Variants in ANTXR2 observed in about 807,000 individuals in gnomAD.
The protein encoded by ANTXR2 is ANTXR cell adhesion molecule 2, also known as anthrax toxin receptor 2.
ANTXR2 carries 44 observed loss-of-function variants against 73.7 expected under a neutral mutation model. The observed-to-expected ratio is 0.60, with a 90% CI of 0.47 to 0.77. The LOEUF is 0.77. Ranked by LOEUF, ANTXR2 falls within the 30% of genes least tolerant of loss-of-function variation. ANTXR2 has a pLI of 0.00. For synonymous variants in ANTXR2, 217 were observed against 205.9 expected (o/e 1.05, Z -0.46); for missense variants, 604 against 592.5 (o/e 1.02, Z -0.20).
intron 13 of ANTXR2, among the ~76,000 whole-genome samples, chr4:79,984,254 T>C (rs1357087223): frequency 6.6e-6 from 1 of 152,202 alleles, no homozygotes; most frequent in Non-Finnish European, 1.5e-5. Flanking sequence ...GTATTTCAAA[T>C]CTATTCATCA....
intron 12 of ANTXR2, among the ~76,000 whole-genome samples, chr4:79,993,764 A>ACACG (rs1730596227): frequency 7.1e-6 from 1 of 140,106 alleles, no homozygotes; most frequent in African/African-American, 2.5e-5. Flanking sequence ...ACACACGCAC[A>ACACG]CACACACACA....
intron 7 of ANTXR2, among the ~76,000 whole-genome samples, chr4:80,049,806 C>T (rs567399118): frequency 2.0e-5 from 3 of 151,770 alleles, no homozygotes; most frequent in Non-Finnish European, 2.9e-5. Flanking sequence ...TATTTTAATG[C>T]TTCCCAAATT....
intron 16 of ANTXR2, among the ~76,000 whole-genome samples, chr4:79,911,871 T>C (rs1211222046): frequency 6.6e-6 from 1 of 152,002 alleles, no homozygotes; most frequent in Non-Finnish European, 1.5e-5. Context: ...GTTGTTGTAA[T>C]GCTTTAGGTA....
intron 11 of ANTXR2, among the ~76,000 whole-genome samples, chr4:80,014,291 G>C (rs534653456): frequency 6.6e-6 from 1 of 151,912 alleles, no homozygotes; most frequent in African/African-American, 2.4e-5. Context: ...ATTTGTGGCC[G>C]GGTGAGGTGG....
intron 3 of ANTXR2, among the ~76,000 whole-genome samples, chr4:80,059,378 A>G (rs1399891372): frequency 6.6e-6 from 1 of 151,884 alleles, no homozygotes; most frequent in Non-Finnish European, 1.5e-5. Flanking sequence ...TATATATTGG[A>G]GACAGAGTTT....
At chr4:79,964,954 G>A (rs1373207185) in intron 16 of ANTXR2, 1 of 152,248 alleles carries the variant, frequency 6.6e-6, no homozygotes, top group Non-Finnish European at 1.5e-5. Context: ...GCGCGCGGAA[G>A]AGAGCGCGAG....
chr4:79,920,395 T>C (rs560092555), intron 16 of ANTXR2, among the ~76,000 whole-genome samples: 2 of 152,216 alleles, frequency 1.3e-5, no homozygotes, highest in East Asian at 3.9e-4. Flanking sequence ...TTGGTATCAT[T>C]AAACATGTAA....
chr4:80,019,170 C>T (rs1392751823), intron 10 of ANTXR2, among the ~76,000 whole-genome samples, 194 bp from the exon 11 acceptor site: 1 of 152,136 alleles, frequency 6.6e-6, no homozygotes, highest in Non-Finnish European at 1.5e-5. Context: ...CCACCGTGCC[C>T]AGCATGGCCA....
At chr4:79,950,244 T>C (rs1461076091) in intron 16 of ANTXR2, among the ~76,000 whole-genome samples, 1 of 152,210 alleles carries the variant, frequency 6.6e-6, no homozygotes, top group East Asian at 1.9e-4. Context: ...TAATAGTTAC[T>C]ATTTGTGCTA....
At chr4:80,004,070 G>A (rs1033759699) in intron 12 of ANTXR2, among the ~76,000 whole-genome samples, 5 of 151,962 alleles carry the variant, frequency 3.3e-5, no homozygotes, top group Non-Finnish European at 7.4e-5. Context: ...TAATTACTAT[G>A]CAGCAGTAAA....
intron 16 of ANTXR2, among the ~76,000 whole-genome samples, chr4:79,960,119 G>A (rs930927253): frequency 2.0e-5 from 3 of 152,116 alleles, no homozygotes; most frequent in Non-Finnish European, 2.9e-5. Context: ...CTGTGTGTAT[G>A]TCTCACCAAT....
At chr4:79,956,562 C>T (rs1430885646) in intron 16 of ANTXR2, among the ~76,000 whole-genome samples, 3 of 151,856 alleles carry the variant, frequency 2.0e-5, no homozygotes, top group African/African-American at 7.3e-5. Context: ...AGTATGACAC[C>T]GACTCAACAC....
intron 7 of ANTXR2, among the ~76,000 whole-genome samples, chr4:80,052,488 G>A (rs1733815550): frequency 6.6e-6 from 1 of 151,642 alleles, no homozygotes; most frequent in Admixed American, 6.6e-5. Flanking sequence ...ACCAGGTTTG[G>A]TTGTAATGGC....
rs1726868122 is a variant in ANTXR2 at position 79,905,544 on chromosome 4, G to A, written c.*1885C>T. On this transcript the variant is annotated 3_prime_UTR_variant, in exon 17 of 17. Transcript: ENST00000403729. ...CAACCCAAGAAGGCATTAGCTTTAT[G>A]TGGGCTTAAAGAAATGGTAGCACAG... is the stretch of plus-strand genomic sequence containing the variant. 1 of 152,276 alleles carries A rather than the reference G, an allele frequency of 6.6e-6. No individual in the cohort carries two copies. Among genetic ancestry groups the A allele is most frequent in the African/African-American group, 2.4e-5 (1 of 41,556 alleles). The allele number at this position is 152,276 out of a possible 1,614,324, so 9.4% of individuals were successfully genotyped here.
chr4:79,965,392 T>A lies in ANTXR2; in HGVS notation c.1428+12229A>T, dbSNP rs188722105. On this transcript the variant is annotated intron_variant, in intron 16 of 16. Coordinates refer to ENST00000403729, the MANE Select transcript of ANTXR2 (RefSeq NM_058172.6). ...GCATGAAGTTTGTTTTGCCTTTTTT[T>A]AGAGTCACTATTATCTCCTTTAAAA... 2.3e-3 allele frequency among the ~76,000 whole-genome samples: 345 copies of A among 152,356 alleles called. 1 individual carries two copies. The highest frequency in any genetic ancestry group is 0.012 in the South Asian group (56 of 4,830).
At chr4:80,048,527 T>G (rs1733627755) in intron 7 of ANTXR2, among the ~76,000 whole-genome samples, 1 of 151,708 alleles carries the variant, frequency 6.6e-6, no homozygotes, top group Admixed American at 6.6e-5. Flanking sequence ...ATCTTTACAG[T>G]TGCTCAGGCT....
chr4:79,963,543 AC>A, intron 16 of ANTXR2, among the ~76,000 whole-genome samples: 1 of 152,298 alleles, frequency 6.6e-6, no homozygotes, highest in South Asian at 2.1e-4. Flanking sequence ...TTTCAACAAG[AC>A]ATAAAAACTT....
At chr4:80,037,332 A>G (rs1733027182) in intron 7 of ANTXR2, among the ~76,000 whole-genome samples, 1 of 152,192 alleles carries the variant, frequency 6.6e-6, no homozygotes, top group Admixed American at 6.5e-5. Context: ...CAAAACTATA[A>G]GTTCTCAGCC....
chr4:79,945,082 T>C (rs781328989), intron 16 of ANTXR2, among the ~76,000 whole-genome samples: 1 of 152,160 alleles, frequency 6.6e-6, no homozygotes, highest in East Asian at 1.9e-4. Context: ...ACCAGAGTTA[T>C]TTAACTAATG....
Sources: allele counts gnomAD v4.1 joint callset (sites outside exome capture counted in the v4.1 genomes callset), GRCh38; gene constraint gnomAD v4.1.1; transcripts MANE v1.5; gene names NCBI Gene and HGNC (gene_info 2026-07-23, HGNC 2026-07-21).